Variants in NELL1 observed in about 807,000 individuals in gnomAD.
NELL1 encodes the protein neural EGFL like 1, also known as protein kinase C-binding protein NELL1.
Under a neutral mutation model 107.4 loss-of-function variants are expected in NELL1, and 76 were observed. The ratio of observed to expected loss-of-function variants is 0.71; its 90% CI spans 0.59 to 0.86. NELL1 has a LOEUF of 0.86. NELL1 is among the 40% of genes least tolerant of loss of function. The probability of loss-of-function intolerance (pLI) is 0.00; values close to 1 mark genes in which losing one functional copy is unlikely to be tolerated. For missense variants in NELL1, 1,024 were observed against 1,005.5 expected, an observed-to-expected ratio of 1.02 and a Z score of -0.25; for synonymous variants, 353 against 341.2, an observed-to-expected ratio of 1.03 and a Z score of -0.38.
At chr11:21,408,455 C>A (rs1852286593) in intron 15 of NELL1, among the ~76,000 whole-genome samples, 1 of 152,090 alleles carries the variant, frequency 6.6e-6, no homozygotes, top group Admixed American at 6.6e-5. Flanking sequence ...GCTTTGAGTT[C>A]TTTTGCTATA....
At chr11:21,168,082 C>T (rs900197304) in intron 13 of NELL1, among the ~76,000 whole-genome samples, 1 of 151,636 alleles carries the variant, frequency 6.6e-6, no homozygotes, top group African/African-American at 2.4e-5. Flanking sequence ...ATTCCATACT[C>T]GATTCTCACT....
At chr11:21,243,844 A>T (rs1001800263) in intron 14 of NELL1, among the ~76,000 whole-genome samples, 6 of 136,748 alleles carry the variant, frequency 4.4e-5, no homozygotes, top group South Asian at 2.3e-4. Flanking sequence ...AAATTAATTA[A>T]AAAAAAAGGC....
intron 13 of NELL1, among the ~76,000 whole-genome samples, chr11:21,137,094 T>C (rs1464564515): frequency 1.3e-5 from 2 of 152,228 alleles, no homozygotes; most frequent in South Asian, 2.1e-4. Context: ...GATTTTCTCT[T>C]CCTTCCTTTA....
chr11:21,470,961 A>T (rs1854165282), intron 15 of NELL1, among the ~76,000 whole-genome samples: 1 of 152,134 alleles, frequency 6.6e-6, no homozygotes, highest in Non-Finnish European at 1.5e-5. Context: ...AAAATAGTTA[A>T]TAAGCTATTT....
intron 2 of NELL1, among the ~76,000 whole-genome samples, chr11:20,709,332 G>A (rs2133893730): frequency 6.6e-6 from 1 of 152,184 alleles, no homozygotes; most frequent in South Asian, 2.1e-4. Flanking sequence ...TTGCTTTGTT[G>A]AAGATTAGTT....
At chr11:21,461,284 C>T (rs1200306618) in intron 15 of NELL1, among the ~76,000 whole-genome samples, 1 of 152,046 alleles carries the variant, frequency 6.6e-6, no homozygotes, top group Non-Finnish European at 1.5e-5. Flanking sequence ...GAATTTTGGA[C>T]CCACCACTTA....
chr11:20,710,804 T>A (rs1855093161), intron 2 of NELL1, among the ~76,000 whole-genome samples: 1 of 152,050 alleles, frequency 6.6e-6, no homozygotes, highest in Non-Finnish European at 1.5e-5. Flanking sequence ...TTTTCTAGTT[T>A]GTGTGAGCAA....
intron 14 of NELL1, among the ~76,000 whole-genome samples, chr11:21,269,844 A>G (rs1222683479): frequency 2.0e-5 from 3 of 152,158 alleles, no homozygotes; most frequent in African/African-American, 7.2e-5. Context: ...TCATAGCAAC[A>G]ATGTATTCGA....
chr11:21,056,720 T>G (rs1444147671), intron 12 of NELL1, among the ~76,000 whole-genome samples: 1 of 152,160 alleles, frequency 6.6e-6, no homozygotes, highest in African/African-American at 2.4e-5. Flanking sequence ...AAAATAAATG[T>G]TCCTGTAAAC....
intron 3 of NELL1, among the ~76,000 whole-genome samples, chr11:20,829,307 A>G (rs1590332237): frequency 1.3e-5 from 2 of 149,664 alleles, no homozygotes; most frequent in Non-Finnish European, 3.0e-5. Context: ...GCTCACTGCA[A>G]CCTCCACCTC....
At chr11:21,363,315 C>G (rs562560505) in intron 14 of NELL1, among the ~76,000 whole-genome samples, 2 of 152,160 alleles carry the variant, frequency 1.3e-5, no homozygotes, top group Admixed American at 1.3e-4. Context: ...AAATTTCTTG[C>G]GACTCCCTAA....
chr11:21,522,834 C>CT (rs66707466), intron 15 of NELL1, among the ~76,000 whole-genome samples: 19,095 of 68,018 alleles, frequency 0.28, 4,450 homozygotes, highest in Non-Finnish European at 0.37. Context: ...TTTTTCTTTT[C>CT]TTTTTTTTTT....
intron 3 of NELL1, among the ~76,000 whole-genome samples, chr11:20,827,580 T>C (rs1331243458): frequency 6.6e-6 from 1 of 151,220 alleles, no homozygotes; most frequent in East Asian, 1.9e-4. Flanking sequence ...GAGGGTTGTC[T>C]TTATTCCAGC....
chr11:20,698,857 A>G (rs1299997382), intron 2 of NELL1, among the ~76,000 whole-genome samples: 3 of 152,154 alleles, frequency 2.0e-5, no homozygotes, highest in Non-Finnish European at 4.4e-5. Context: ...GCATTCTCAT[A>G]GCATAGCTCC....
intron 13 of NELL1, among the ~76,000 whole-genome samples, chr11:21,139,849 G>C (rs79282909): frequency 6.6e-6 from 1 of 152,096 alleles, no homozygotes; most frequent in African/African-American, 2.4e-5. Flanking sequence ...GGCAGTTTGG[G>C]GACTGGGTTG....
chr11:21,216,624 G>T (rs184494709), intron 13 of NELL1, among the ~76,000 whole-genome samples: 1 of 152,142 alleles, frequency 6.6e-6, no homozygotes, highest in Non-Finnish European at 1.5e-5. Flanking sequence ...GGAACTTAAA[G>T]GTTTTAATGA....
intron 12 of NELL1, among the ~76,000 whole-genome samples, chr11:21,087,286 G>T (rs907003669): frequency 6.6e-6 from 1 of 152,232 alleles, no homozygotes; most frequent in African/African-American, 2.4e-5. Flanking sequence ...GATAGGAAGA[G>T]GAAATTTTAT....
intron 15 of NELL1, among the ~76,000 whole-genome samples, chr11:21,425,058 A>G (rs1300373619): frequency 6.6e-6 from 1 of 152,188 alleles, no homozygotes; most frequent in East Asian, 1.9e-4. Flanking sequence ...AATTAATTCA[A>G]AAGCCTATTA....
chr11:21,004,445 A>G (rs575904500), intron 12 of NELL1, among the ~76,000 whole-genome samples: 59 of 152,184 alleles, frequency 3.9e-4, no homozygotes, highest in African/African-American at 1.1e-3. Context: ...TGTGATTATC[A>G]CTGTTTCTAT....
Sources: gnomAD v4.1 joint callset for allele counts (sites outside exome capture counted in the v4.1 genomes callset) on GRCh38, gnomAD v4.1.1 for gene constraint, MANE v1.5 for transcripts, NCBI Gene and HGNC (gene_info 2026-07-23, HGNC 2026-07-21) for gene names.